The following PIAS1 variants were observed in gnomAD, a reference collection of about 807,000 sequenced individuals.
PIAS1 encodes the protein protein inhibitor of activated STAT 1.
A neutral mutation model predicts 71.3 loss-of-function variants in PIAS1; 6 were observed. That is an observed-to-expected ratio of 0.08 (90% CI 0.05 to 0.17). The LOEUF (loss-of-function observed/expected upper bound fraction) is 0.17, where lower values mean the gene tolerates loss of function less well. Ranked by LOEUF, PIAS1 falls within the 10% of genes least tolerant of loss-of-function variation. The pLI is 1.00. For missense variants in PIAS1, 555 were observed against 793.6 expected, an observed-to-expected ratio of 0.70 and a Z score of 3.61; for synonymous variants, 303 against 292.9, an observed-to-expected ratio of 1.03 and a Z score of -0.35.
intron 1 of PIAS1, among the ~76,000 whole-genome samples, chr15:68,073,668 A>G (rs917244997): frequency 2.6e-5 from 4 of 152,194 alleles, no homozygotes; most frequent in African/African-American, 9.7e-5. Context: ...TTCTCCTTGA[A>G]AGAACAGCAT....
At chr15:68,079,621 C>T (rs1233231980) in intron 1 of PIAS1, among the ~76,000 whole-genome samples, 1 of 151,774 alleles carries the variant, frequency 6.6e-6, no homozygotes, top group Non-Finnish European at 1.5e-5. Flanking sequence ...TGTGTGCCAC[C>T]AATGGGCCTG....
chr15:68,098,658 A>G (rs1472313245), intron 2 of PIAS1, among the ~76,000 whole-genome samples: 1 of 152,162 alleles, frequency 6.6e-6, no homozygotes, highest in Non-Finnish European at 1.5e-5. Flanking sequence ...TGTTGCTTTC[A>G]GTTCTTTTTA....
intron 2 of PIAS1, among the ~76,000 whole-genome samples, chr15:68,113,248 G>C (rs559745713): frequency 6.6e-6 from 1 of 152,234 alleles, no homozygotes; most frequent in African/African-American, 2.4e-5. Context: ...AAAATGCCTA[G>C]AAGATTGTAT....
At chr15:68,060,086 G>C (rs754205161) in intron 1 of PIAS1, among the ~76,000 whole-genome samples, 1 of 152,256 alleles carries the variant, frequency 6.6e-6, no homozygotes, top group East Asian at 1.9e-4. Context: ...TTCAGCATCA[G>C]AATGTTTGAT....
At chr15:68,091,130 G>A (rs1405244020) in intron 2 of PIAS1, among the ~76,000 whole-genome samples, 1 of 152,024 alleles carries the variant, frequency 6.6e-6, no homozygotes, top group Non-Finnish European at 1.5e-5. Flanking sequence ...ATTGCTTAGT[G>A]TGCCAATATT....
chr15:68,064,745 A>G (rs1441222340), intron 1 of PIAS1, among the ~76,000 whole-genome samples: 1 of 152,234 alleles, frequency 6.6e-6, no homozygotes, highest in Admixed American at 6.5e-5. Context: ...TTCATCCAAA[A>G]CAATCTAATA....
Position 68,054,658 on chromosome 15 carries a change from G to T in PIAS1, c.24+308G>T. The stretch of plus-strand genomic sequence containing the variant: ...GGGGCTGCAGCTGTCTCATGGGCTC[G>T]GCTTTTTCACCTTCCAGTTAGCCTC... On this transcript the variant is annotated intron_variant, in intron 1 of 13. Coordinates refer to ENST00000249636, the MANE Select transcript of PIAS1 (RefSeq NM_016166.3). The surrounding 1 kb of genome is among the most constrained non-coding windows in gnomAD (Gnocchi z 4.6). 1 of 290,616 alleles carries T rather than the reference G, an allele frequency of 3.4e-6. No individual in the cohort carries two copies. The highest frequency in any genetic ancestry group is 5.3e-5 in the Admixed American group (1 of 19,016). The allele number at this position is 290,616 out of a possible 1,614,324, so 18.0% of individuals were successfully genotyped here.
At position 68,174,794 on chromosome 15, in the gene PIAS1, T is replaced by C. The variant is rs2093011896; in HGVS notation, c.1170-843T>C. ...AATTAAGTATATTTAGCAATACAAG[T>C]ATAACCTGGAGCTTGAAAGATGTCA... On this transcript the variant is annotated intron_variant, in intron 9 of 13. Transcript: ENST00000249636. This position sits in a 1 kb window ranked among gnomAD's most constrained non-coding sequence, Gnocchi z 4.0. 6.6e-6 allele frequency among the ~76,000 whole-genome samples: 1 copy of C among 152,182 alleles called. No homozygotes were observed. The highest frequency in any genetic ancestry group is 1.5e-5 in the Non-Finnish European group (1 of 68,036).
chr15:68,135,014 A>G (rs1595754414), intron 2 of PIAS1, among the ~76,000 whole-genome samples: 2 of 35,612 alleles, frequency 5.6e-5, no homozygotes, highest in Non-Finnish European at 1.1e-4. Context: ...GGCCGGGCAG[A>G]GGGGCTCCTC....
chr15:68,176,603 C>G lies in PIAS1; in HGVS notation c.1430C>G (p.Ala477Gly), dbSNP rs767389213. 6.2e-7 allele frequency: 1 copy of G among 1,612,084 alleles called. No homozygotes were observed. The highest frequency in any genetic ancestry group is 2.2e-5 in the East Asian group (1 of 44,740). Residue 477 changes from alanine to glycine, a missense_variant, in exon 11 of 14, where the codon GCC (alanine) becomes GGC (glycine). This residue lies in a region of PIAS1 where 244 missense variants were observed against 307.5 expected (regional missense o/e 0.79). Coordinates refer to ENST00000249636, the MANE Select transcript of PIAS1 (RefSeq NM_016166.3). The stretch of plus-strand genomic sequence containing the variant: ...GATGAAGAGGAAGAAGAGCCATCTG[C>G]CAAGAGGACCTGTCCTTCCCTATCT... ...SSDEEEEEPS[A>G]KRTCPSLSPT...
intron 2 of PIAS1, among the ~76,000 whole-genome samples, chr15:68,087,182 G>T (rs1161827124): frequency 6.6e-6 from 1 of 152,086 alleles, no homozygotes; most frequent in Non-Finnish European, 1.5e-5. Context: ...CATAAAAGGA[G>T]ACTTGAGCTT....
chr15:68,067,712 A>T lies in PIAS1; in HGVS notation c.24+13362A>T, dbSNP rs879910131. On this transcript the variant is annotated intron_variant, in intron 1 of 13. Transcript: ENST00000249636. ...TAAGAGAAAGCTAGGTTGCTTTTTTAAAAAAAATTAAATTATATACAGCGT... is the reference window on the plus strand; with the variant it reads ...TAAGAGAAAGCTAGGTTGCTTTTTTTAAAAAAATTAAATTATATACAGCGT... Among the ~76,000 whole-genome samples the T allele has an allele frequency of 3.2e-4, 49 of 152,082 alleles. 1 individual carries two copies. The highest frequency in any genetic ancestry group is 5.2e-4 in the Admixed American group (8 of 15,280).
chr15:68,081,534 C>T (rs141119725), intron 1 of PIAS1, among the ~76,000 whole-genome samples: 3 of 152,070 alleles, frequency 2.0e-5, no homozygotes, highest in East Asian at 3.9e-4. Context: ...AAGAAAACAA[C>T]ATCAACACCC....
chr15:68,144,909 A>G (rs2092797566), intron 4 of PIAS1, among the ~76,000 whole-genome samples: 1 of 152,130 alleles, frequency 6.6e-6, no homozygotes, highest in South Asian at 2.1e-4. Context: ...TTAAGACCCC[A>G]TACCGCAGGT....
intron 1 of PIAS1, among the ~76,000 whole-genome samples, chr15:68,081,342 A>C (rs573998340): frequency 2.9e-4 from 44 of 152,286 alleles, no homozygotes; most frequent in Admixed American, 9.8e-4. Flanking sequence ...AAGGGAATCC[A>C]AACAAAATAG....
intron 4 of PIAS1, among the ~76,000 whole-genome samples, chr15:68,143,934 G>A (rs766331197): frequency 3.9e-5 from 6 of 152,162 alleles, no homozygotes; most frequent in South Asian, 2.1e-4. Flanking sequence ...TTTAAAAACC[G>A]TAGCTTTAGA....
intron 1 of PIAS1, among the ~76,000 whole-genome samples, chr15:68,079,377 A>G (rs867733109): frequency 1.3e-5 from 2 of 152,302 alleles, no homozygotes; most frequent in South Asian, 4.1e-4. Context: ...AATAAGAGCC[A>G]TATTTTCCCA....
In PIAS1 at chr15:68,110,730, C is replaced by T. The variant is rs534757369; in HGVS notation, c.469+23980C>T. Among the ~76,000 whole-genome samples the T allele has an allele frequency of 2.6e-5, 4 of 151,794 alleles. No individual in the cohort carries two copies. In the South Asian group the frequency reaches 6.2e-4, roughly 24 times the overall value. On this transcript the variant is annotated intron_variant, in intron 2 of 13. Coordinates refer to ENST00000249636, the MANE Select transcript of PIAS1 (RefSeq NM_016166.3). ...CTCCAGTCTGGGTGATAGAGTGGGA[C>T]CCTGTCTCCAGAAAAAAAAAAGGTA...
intron 2 of PIAS1, among the ~76,000 whole-genome samples, chr15:68,128,983 CAG>C (rs1567054693): frequency 2.0e-5 from 3 of 151,846 alleles, no homozygotes; most frequent in South Asian, 2.1e-4. Flanking sequence ...CAGTGATAAA[CAG>C]AAAAAAACTT....
Sources: gnomAD v4.1 joint callset for allele counts (sites outside exome capture counted in the v4.1 genomes callset) on GRCh38, gnomAD v4.1.1 for gene constraint, gnomAD v4.1.1 regional missense constraint, Gnocchi (gnomAD v3.1) non-coding constraint, MANE v1.5 for transcripts, NCBI Gene and HGNC (gene_info 2026-07-23, HGNC 2026-07-21) for gene names.